SLC12A4: variants seen among roughly 807,000 people sequenced by gnomAD.
The protein encoded by SLC12A4 is solute carrier family 12 member 4, also known as electroneutral potassium-chloride cotransporter 1.
Under a neutral mutation model 119.2 loss-of-function variants are expected in SLC12A4, and 84 were observed. The ratio of observed to expected loss-of-function variants is 0.70; its 90% CI spans 0.59 to 0.85. The LOEUF is 0.85. SLC12A4 is among the 40% of genes least tolerant of loss of function. The pLI, the probability that SLC12A4 is intolerant of heterozygous loss-of-function variation, is 0.00. For synonymous variants in SLC12A4, 599 were observed against 604.6 expected, an observed-to-expected ratio of 0.99 and a Z score of 0.14; for missense variants, 1,298 against 1,476.3, an observed-to-expected ratio of 0.88 and a Z score of 1.98.
At chr16:67,957,862 A>G in intron 4 of SLC12A4, 36 bp downstream of exon 4, 1 of 1,614,086 alleles carries the variant, frequency 6.2e-7, no homozygotes, top group East Asian at 2.2e-5. Context: ...GCCGTGGCCC[A>G]TGCCCAGCCC....
Position 67,949,848 on chromosome 16 carries a change from AG to A in SLC12A4, c.1699del (p.Leu567TrpfsTer20). The A allele has an allele frequency of 1.2e-6, 2 of 1,610,260 alleles. No homozygotes were observed. The highest frequency in any genetic ancestry group is 2.2e-5 in the South Asian group (2 of 90,818). ...GTCGAGGGAGGCGATGAGGATGCCC[AG>A]CTCGGCGATGAGTGCCGTCAGGAGG... ...ALLLTALIAE[L>X]GILIASLDMV... On this transcript the variant is annotated frameshift_variant, in exon 13 of 24. Transcript: ENST00000316341. LOFTEE classifies it high-confidence loss of function. The surrounding 1 kb of genome is among the most constrained non-coding windows in gnomAD (Gnocchi z 4.6).
chr16:67,945,324 A>T, intron 22 of SLC12A4, 45 bp downstream of exon 22: 1 of 1,580,656 alleles, frequency 6.3e-7, no homozygotes, highest in Non-Finnish European at 8.6e-7. Context: ...CCCCACCTCC[A>T]CCCCTAGATT....
Position 67,963,508 on chromosome 16 carries a change from G to A in SLC12A4, c.167C>T (p.Ser56Phe), listed in dbSNP as rs200849828. ...SSPFLSPLEASRGIDYYDRNL... is the reference protein window; with the variant it reads ...SSPFLSPLEAFRGIDYYDRNL... ...CCTGTCATAGTAGTCAATTCCTCTG[G>A]AAGCCTCCAAGGGGGAAAGAAAAGG... The change falls in exon 2 of 24, where the codon TCC becomes TTC. Residue 56 changes from serine to phenylalanine, a missense_variant. Coordinates refer to ENST00000316341, the MANE Select transcript of SLC12A4 (RefSeq NM_005072.5). 1 of 1,584,540 alleles carries A rather than the reference G, an allele frequency of 6.3e-7. No individual in the cohort carries two copies. The highest frequency in any genetic ancestry group is 2.3e-5 in the East Asian group (1 of 43,614).
At position 67,951,207 on chromosome 16, in the gene SLC12A4, C is replaced by T; in HGVS notation, c.1230G>A (p.Leu410=). Residue 410 remains leucine (L), a synonymous_variant, in exon 9 of 24, where the codon CTG becomes CTA. Transcript: ENST00000316341. This position sits in a 1 kb window ranked among gnomAD's most constrained non-coding sequence, Gnocchi z 5.2. ...ATGTGGCGATGTCAGCGACCACGTACAGAGGCAGGCTCTCCTTCAGGCTCG... is the reference window on the plus strand; with the variant it reads ...ATGTGGCGATGTCAGCGACCACGTATAGAGGCAGGCTCTCCTTCAGGCTCG... ...DAPSLKESLP[L]YVVADIATSF... The T allele has an allele frequency of 6.2e-7, 1 of 1,614,140 alleles. No individual in the cohort carries two copies. The highest frequency in any genetic ancestry group is 1.1e-5 in the South Asian group (1 of 91,088).
At chr16:67,966,285 C>T (rs922100012) in intron 1 of SLC12A4, among the ~76,000 whole-genome samples, 1 of 152,260 alleles carries the variant, frequency 6.6e-6, no homozygotes, top group Admixed American at 6.5e-5. Flanking sequence ...ATGTAAGGGT[C>T]TAAGTAGTGC....
Position 67,964,156 on chromosome 16 carries a change from C to T in SLC12A4, c.116-597G>A. The T allele has an allele frequency of 9.8e-6, 14 of 1,431,272 alleles. No homozygotes were observed. The East Asian group carries it at 1.3e-4, about 13-fold the overall frequency. The allele number at this position is 1,431,272 out of a possible 1,614,324, so 88.7% of individuals were successfully genotyped here. The stretch of plus-strand genomic sequence containing the variant: ...GAGAGCGGAAGTGGATTCCAGGAGC[C>T]TTCTAGGGTTGCCTAAGAAAGTCGG... On this transcript the variant is annotated intron_variant, in intron 1 of 23. Coordinates refer to ENST00000316341, the MANE Select transcript of SLC12A4 (RefSeq NM_005072.5).
intron 19 of SLC12A4, 25 bp downstream of exon 19, chr16:67,946,146 C>T (rs1189943767): frequency 6.2e-7 from 1 of 1,613,698 alleles, no homozygotes. Context: ...TAGCCCCTCT[C>T]ATCTGCACCC....
rs761601767 is a variant in SLC12A4 at position 67,945,747 on chromosome 16, C to A, written c.2847+17G>T. The A allele has an allele frequency of 1.9e-6, 3 of 1,609,944 alleles. No homozygotes were observed. Among genetic ancestry groups the A allele is most frequent in the East Asian group, 2.2e-5 (1 of 44,818 alleles). On this transcript the variant is annotated intron_variant, in intron 21 of 23. Transcript: ENST00000316341. ...ACCCTGCCACCCGCCCTGGCGTGAA[C>A]CACAAAGGGCACTGACTTCTCGCTC...
chr16:67,954,302 C>T (rs550748820), intron 6 of SLC12A4: 2 of 351,164 alleles, frequency 5.7e-6, no homozygotes, highest in East Asian at 6.7e-5. Context: ...AGAGCTCACA[C>T]AAGCCCAGAA....
intron 6 of SLC12A4, 112 bp downstream of exon 6, chr16:67,954,531 A>G (rs2030136957): frequency 7.5e-7 from 1 of 1,330,020 alleles, no homozygotes; most frequent in Non-Finnish European, 1.0e-6. Flanking sequence ...CTACTTTATA[A>G]TACCCAGGCC....
chr16:67,963,816 G>T, intron 1 of SLC12A4: 1 of 1,397,454 alleles, frequency 7.2e-7, no homozygotes, highest in African/African-American at 1.5e-5. Flanking sequence ...AGGCGCCCTA[G>T]CACAAGCACG....
At chr16:67,957,098 G>T (rs2030303833) in intron 5 of SLC12A4, among the ~76,000 whole-genome samples, 1 of 151,634 alleles carries the variant, frequency 6.6e-6, no homozygotes. Context: ...CTGCCTCCTG[G>T]GTTCAAGCTA....
chr16:67,953,093 G>C (rs2151330736), intron 6 of SLC12A4, among the ~76,000 whole-genome samples: 1 of 149,606 alleles, frequency 6.7e-6, no homozygotes, highest in South Asian at 2.1e-4. Flanking sequence ...GTGAGACCTT[G>C]TCTCAAAAAA....
chr16:67,945,114 G>A lies in SLC12A4; in HGVS notation c.3139C>T (p.Pro1047Ser). ...RLVLLNMPGPPRNSEGDENYM... is the reference protein window; with the variant it reads ...RLVLLNMPGPSRNSEGDENYM... ...TTCTCGTCGCCCTCACTGTTCCTGG[G>A]TGGGCCAGGCATGTTTAGGAGAACC... The change falls in exon 23 of 24, where the codon CCC becomes TCC. Residue 1047 changes from proline (P) to serine (S), a missense_variant. Transcript: ENST00000316341. 6.3e-7 allele frequency: 1 copy of A among 1,592,984 alleles called. No homozygotes were observed. The highest frequency in any genetic ancestry group is 8.6e-7 in the Non-Finnish European group (1 of 1,168,164).
At chr16:67,953,722 A>G (rs2030077443) in intron 6 of SLC12A4, among the ~76,000 whole-genome samples, 1 of 152,240 alleles carries the variant, frequency 6.6e-6, no homozygotes, top group Admixed American at 6.5e-5. Flanking sequence ...AAAAACAAGC[A>G]AACAAAAAGG....
chr16:67,968,595 C>A lies in SLC12A4; in HGVS notation c.-42G>T. The A allele has an allele frequency of 1.4e-6, 2 of 1,394,828 alleles. No individual in the cohort carries two copies. The highest frequency in any genetic ancestry group is 1.9e-6 in the Non-Finnish European group (2 of 1,064,062). 86.4% of individuals were successfully genotyped at this position (1,394,828 alleles called of 1,614,324 possible). On this transcript the variant is annotated 5_prime_UTR_variant, in exon 1 of 24. Coordinates refer to ENST00000316341, the MANE Select transcript of SLC12A4 (RefSeq NM_005072.5). ...CGCCGCACCCGCCGTCCCAGCCGCC[C>A]GCCGCTGTCCCCGCCGCTGTCCCCG...
At position 67,946,945 on chromosome 16, in the gene SLC12A4, C is replaced by T. The variant is rs375977559; in HGVS notation, c.2233G>A (p.Ala745Thr). The part of the protein sequence containing the change: ...FLESYGEAQA[A>T]EQTIKNMMEI... Reference sequence around the variant, plus strand: ...CTCCCCAAAGCAAGTACCTGCTCGGCGGCCTGAGCCTCGCCATAGCTCTCC... The same window carrying T: ...CTCCCCAAAGCAAGTACCTGCTCGGTGGCCTGAGCCTCGCCATAGCTCTCC... The change falls in exon 17 of 24, where the codon GCC (alanine) becomes ACC (threonine). Residue 745 changes from alanine (A) to threonine (T), a missense_variant. By Grantham distance (58) the Ala-to-Thr change is moderately conservative. Transcript: ENST00000316341. The T allele has an allele frequency of 7.7e-5, 124 of 1,612,640 alleles. No homozygotes were observed. Among genetic ancestry groups the T allele is most frequent in the Non-Finnish European group, 1.0e-4 (118 of 1,179,790 alleles).
chr16:67,960,302 T>C (rs1414999427), intron 3 of SLC12A4, among the ~76,000 whole-genome samples: 1 of 152,118 alleles, frequency 6.6e-6, no homozygotes. Context: ...CTCTCAGAGG[T>C]TGAGACACCC....
At chr16:67,959,112 GT>G (rs1383692622) in intron 3 of SLC12A4, among the ~76,000 whole-genome samples, 1 of 152,200 alleles carries the variant, frequency 6.6e-6, no homozygotes, top group Non-Finnish European at 1.5e-5. Flanking sequence ...TACAGAGAAA[GT>G]GCTCAGGCTG....
Sources: allele counts gnomAD v4.1 joint callset (sites outside exome capture counted in the v4.1 genomes callset), GRCh38; gene constraint gnomAD v4.1.1; non-coding constraint Gnocchi (gnomAD v3.1); transcripts MANE v1.5; gene names NCBI Gene and HGNC (gene_info 2026-07-23, HGNC 2026-07-21).